Variants in GALNT14 observed in about 807,000 individuals in gnomAD.
GALNT14 encodes polypeptide N-acetylgalactosaminyltransferase 14, also known as UDP-GalNAc:polypeptide N-acetylgalactosaminyltransferase 14.
Under a neutral mutation model 77.5 loss-of-function variants are expected in GALNT14, and 60 were observed. That is an observed-to-expected ratio of 0.77 (90% CI 0.63 to 0.96). GALNT14 has a LOEUF of 0.96. Ranked by LOEUF, GALNT14 falls within the 40% of genes least tolerant of loss-of-function variation. The pLI, the probability that GALNT14 is intolerant of heterozygous loss-of-function variation, is 0.00. For synonymous variants in GALNT14, 280 were observed against 281.7 expected (o/e 0.99, Z 0.06); for missense variants, 710 against 731.0 (o/e 0.97, Z 0.33).
chr2:31,133,048 T>A (rs1288962495), intron 1 of GALNT14, among the ~76,000 whole-genome samples: 1 of 151,838 alleles, frequency 6.6e-6, no homozygotes, highest in Non-Finnish European at 1.5e-5. Context: ...CTCCCCATGA[T>A]CTCATCTCCA....
intron 3 of GALNT14, among the ~76,000 whole-genome samples, chr2:30,960,418 C>T (rs796195595): frequency 6.1e-4 from 93 of 152,094 alleles, no homozygotes; most frequent in African/African-American, 2.0e-3. Context: ...AGGTAAATCG[C>T]GTGCGGCTCT....
chr2:30,898,557 A>C, the GALNT14 span, among the ~76,000 whole-genome samples: 1 of 152,230 alleles, frequency 6.6e-6, no homozygotes, highest in East Asian at 1.9e-4. Flanking sequence ...CAGTCAAGTT[A>C]AGTAACTTGC....
chr2:30,905,463 G>A, the GALNT14 span, among the ~76,000 whole-genome samples: 20 of 151,952 alleles, frequency 1.3e-4, no homozygotes, highest in Non-Finnish European at 2.1e-4. Flanking sequence ...GGGTATCAGC[G>A]ATGGAAAATG....
the GALNT14 span, among the ~76,000 whole-genome samples, chr2:30,889,034 C>T: frequency 9.9e-3 from 1,512 of 152,068 alleles, 40 homozygotes; most frequent in African/African-American, 0.034. Flanking sequence ...CCAGAGTCAC[C>T]TGTAAAGAAG....
chr2:31,035,575 G>GTGTA (rs1248248500), intron 1 of GALNT14, among the ~76,000 whole-genome samples: 1 of 142,398 alleles, frequency 7.0e-6, no homozygotes, highest in Non-Finnish European at 1.5e-5. Flanking sequence ...GTGTATGTGT[G>GTGTA]TGTGTGTGTG....
chr2:30,958,348 C>A, intron 4 of GALNT14, 49 bp downstream of exon 4: 3 of 1,518,308 alleles, frequency 2.0e-6, no homozygotes, highest in Non-Finnish European at 2.7e-6. Context: ...TACAGAGTGG[C>A]TGGGAACAGA....
At chr2:30,980,439 A>G (rs1393775033) in intron 2 of GALNT14, among the ~76,000 whole-genome samples, 1 of 152,228 alleles carries the variant, frequency 6.6e-6, no homozygotes, top group Non-Finnish European at 1.5e-5. Context: ...TCAGGGCCAC[A>G]GCTAGCAAAC....
chr2:30,967,659 C>G (rs1668093728), intron 2 of GALNT14, among the ~76,000 whole-genome samples: 1 of 152,052 alleles, frequency 6.6e-6, no homozygotes, highest in Non-Finnish European at 1.5e-5. Context: ...CTGAATTCAC[C>G]CCTCCTCTCA....
At chr2:31,076,603 G>A (rs1488395798) in intron 1 of GALNT14, among the ~76,000 whole-genome samples, 1 of 145,666 alleles carries the variant, frequency 6.9e-6, no homozygotes, top group East Asian at 2.0e-4. Context: ...CTAGATAGGG[G>A]TGTGTATACA....
chr2:31,075,715 T>G (rs553047017), intron 1 of GALNT14, among the ~76,000 whole-genome samples: 1 of 152,358 alleles, frequency 6.6e-6, no homozygotes, highest in Admixed American at 6.5e-5. Context: ...CTTTCACTGC[T>G]GAATTGATGA....
chr2:31,128,525 A>G (rs1475058197), intron 1 of GALNT14, among the ~76,000 whole-genome samples: 1 of 152,210 alleles, frequency 6.6e-6, no homozygotes. Context: ...ATTCATCAAG[A>G]AAGGGACTCA....
At chr2:30,892,264 G>A in the GALNT14 span, among the ~76,000 whole-genome samples, 1 of 152,142 alleles carries the variant, frequency 6.6e-6, no homozygotes, top group Non-Finnish European at 1.5e-5. Flanking sequence ...GGTGTATGAA[G>A]GGAAAGATGC....
chr2:31,074,517 A>G (rs1041331473), intron 1 of GALNT14, among the ~76,000 whole-genome samples: 5 of 151,996 alleles, frequency 3.3e-5, no homozygotes, highest in African/African-American at 9.7e-5. Flanking sequence ...GGGCTCACTC[A>G]TGCTGTCTGT....
intron 1 of GALNT14, among the ~76,000 whole-genome samples, chr2:31,128,546 G>A (rs960599138): frequency 7.9e-5 from 12 of 152,232 alleles, no homozygotes; most frequent in Non-Finnish European, 1.5e-5. Flanking sequence ...AACAGTTTGT[G>A]TCTTAACTCC....
chr2:31,122,116 G>A (rs1465602761), intron 1 of GALNT14, among the ~76,000 whole-genome samples: 2 of 152,200 alleles, frequency 1.3e-5, no homozygotes, highest in Non-Finnish European at 2.9e-5. Flanking sequence ...TGAGAGTGGT[G>A]GGTGTCCCAG....
At chr2:31,079,070 G>GA in intron 1 of GALNT14, 1 of 1,250,508 alleles carries the variant, frequency 8.0e-7, no homozygotes, top group Non-Finnish European at 1.0e-6. Flanking sequence ...TTCAATTCTA[G>GA]AAAACATAAA....
intron 2 of GALNT14, among the ~76,000 whole-genome samples, chr2:30,967,911 T>C (rs1455583761): frequency 6.6e-6 from 1 of 152,208 alleles, no homozygotes; most frequent in Non-Finnish European, 1.5e-5. Flanking sequence ...CTCTCCACCA[T>C]TGCTCATGCT....
intron 1 of GALNT14, among the ~76,000 whole-genome samples, chr2:31,125,644 G>C (rs1482296439): frequency 6.6e-6 from 1 of 152,220 alleles, no homozygotes; most frequent in African/African-American, 2.4e-5. Context: ...AATATCATAA[G>C]TGCAGCTTAT....
intron 6 of GALNT14, among the ~76,000 whole-genome samples, chr2:30,950,577 G>A (rs1666969559): frequency 6.6e-6 from 1 of 152,212 alleles, no homozygotes; most frequent in African/African-American, 2.4e-5. Context: ...TCCCCAAAGG[G>A]CTGGCCCAGA....
Sources: allele counts gnomAD v4.1 joint callset (sites outside exome capture counted in the v4.1 genomes callset), GRCh38; gene constraint gnomAD v4.1.1; transcripts MANE v1.5; gene names NCBI Gene and HGNC (gene_info 2026-07-23, HGNC 2026-07-21).